The following GRID2 variants were observed in gnomAD, a reference collection of about 807,000 sequenced individuals.
GRID2 encodes the protein glutamate receptor ionotropic, delta-2.
In GRID2, 33 loss-of-function variants were observed where a neutral mutation model predicts 114.8. The ratio of observed to expected loss-of-function variants is 0.29; its 90% CI spans 0.22 to 0.38. The LOEUF (loss-of-function observed/expected upper bound fraction) is 0.38, where lower values mean the gene tolerates loss of function less well. Among genes scored for constraint, GRID2 ranks in the 10% least tolerant of loss-of-function variants. The pLI, the probability that GRID2 is intolerant of heterozygous loss-of-function variation, is 1.00. For synonymous variants in GRID2, 505 were observed against 449.9 expected, an observed-to-expected ratio of 1.12 and a Z score of -1.55; for missense variants, 1,184 against 1,257.7, an observed-to-expected ratio of 0.94 and a Z score of 0.89.
Position 93,540,337 on chromosome 4 carries a change from T to C in GRID2, c.2193+24926T>C, listed in dbSNP as rs375113995. Among the ~76,000 whole-genome samples, 175 of 152,232 alleles carry C rather than the reference T, an allele frequency of 1.1e-3. 1 individual carries two copies. Among genetic ancestry groups the C allele is most frequent in the African/African-American group, 3.9e-3 (163 of 41,572 alleles). On this transcript the variant is annotated intron_variant, in intron 13 of 15. Coordinates refer to ENST00000282020, the MANE Select transcript of GRID2 (RefSeq NM_001510.4). ...ATTTTCTTCTCCATGCATCGTCTGT[T>C]GCTTTCAAGTTGCTTTTTCTTTTCT... is the stretch of plus-strand genomic sequence containing the variant.
intron 2 of GRID2, among the ~76,000 whole-genome samples, chr4:92,653,126 T>C (rs1220796324): frequency 2.0e-5 from 3 of 150,102 alleles, no homozygotes; most frequent in Non-Finnish European, 4.4e-5. Context: ...GCCTCTCAAG[T>C]AGCTGGGATT....
At chr4:92,623,599 G>T (rs1730379945) in intron 2 of GRID2, among the ~76,000 whole-genome samples, 1 of 151,706 alleles carries the variant, frequency 6.6e-6, no homozygotes, top group South Asian at 2.1e-4. Flanking sequence ...AGACAGTAGT[G>T]GCATGTGTTC....
At chr4:93,586,170 T>A (rs1336226866) in intron 13 of GRID2, among the ~76,000 whole-genome samples, 1 of 152,088 alleles carries the variant, frequency 6.6e-6, no homozygotes, top group African/African-American at 2.4e-5. Context: ...ACTAATCATA[T>A]CATCCTTTGC....
rs554709051 is a variant in GRID2 at position 92,408,629 on chromosome 4, A to T, written c.88+103885A>T. On this transcript the variant is annotated intron_variant, in intron 1 of 15. Transcript: ENST00000282020. Reference sequence around the variant, plus strand: ...CCATAAGCATGGAATATTTATTATTATTTTTTTTTGTCCCTGATTTCTTTC... The same window carrying T: ...CCATAAGCATGGAATATTTATTATTTTTTTTTTTTGTCCCTGATTTCTTTC... 6.3e-3 allele frequency among the ~76,000 whole-genome samples: 925 copies of T among 147,698 alleles called. 8 individuals are homozygous for T. Among genetic ancestry groups the T allele is most frequent in the African/African-American group, 0.021 (848 of 40,270 alleles).
chr4:92,923,951 T>C (rs573706890), intron 2 of GRID2, among the ~76,000 whole-genome samples: 40 of 152,256 alleles, frequency 2.6e-4, no homozygotes, highest in South Asian at 1.2e-3. Flanking sequence ...CATGCACACG[T>C]ATGTTTATTG....
chr4:93,047,840 C>A (rs1231116122), intron 2 of GRID2, among the ~76,000 whole-genome samples: 1 of 151,352 alleles, frequency 6.6e-6, no homozygotes, highest in Non-Finnish European at 1.5e-5. Flanking sequence ...ACTCTAATTT[C>A]TCCCCTAGGT....
chr4:93,652,936 G>A (rs1451405451), intron 14 of GRID2, among the ~76,000 whole-genome samples: 2 of 152,108 alleles, frequency 1.3e-5, no homozygotes, highest in Non-Finnish European at 2.9e-5. Flanking sequence ...GCTTCATTGA[G>A]AAGGGCCTGA....
At chr4:92,527,358 T>G (rs1725093574) in intron 1 of GRID2, among the ~76,000 whole-genome samples, 5 of 152,162 alleles carry the variant, frequency 3.3e-5, no homozygotes, top group Admixed American at 3.3e-4. Flanking sequence ...GCTACTACTT[T>G]ATACATATCT....
chr4:92,343,207 G>A (rs1449046780), intron 1 of GRID2, among the ~76,000 whole-genome samples: 4 of 149,912 alleles, frequency 2.7e-5, no homozygotes, highest in Admixed American at 2.0e-4. Flanking sequence ...TTCTCTGTGT[G>A]TTTTTTTGCA....
intron 1 of GRID2, among the ~76,000 whole-genome samples, chr4:92,371,448 C>T (rs1388901425): frequency 6.6e-6 from 1 of 152,082 alleles, no homozygotes; most frequent in East Asian, 1.9e-4. Context: ...GCTCATTCAC[C>T]ATTCTGAAAA....
At chr4:92,920,546 T>C (rs373876265) in intron 2 of GRID2, among the ~76,000 whole-genome samples, 1 of 152,148 alleles carries the variant, frequency 6.6e-6, no homozygotes, top group Non-Finnish European at 1.5e-5. Context: ...AGGCCTGGTG[T>C]TGACAAAATC....
At chr4:92,329,459 T>C (rs181353473) in intron 1 of GRID2, among the ~76,000 whole-genome samples, 2 of 152,092 alleles carry the variant, frequency 1.3e-5, no homozygotes, top group Admixed American at 1.3e-4. Context: ...AATACTCATT[T>C]ACTTAGTGTC....
intron 2 of GRID2, among the ~76,000 whole-genome samples, chr4:92,709,590 AT>A (rs1427906155): frequency 0.12 from 12,056 of 98,434 alleles, 630 homozygotes; most frequent in African/African-American, 0.22. Context: ...AAAAAAAAAA[AT>A]ATATATATAT....
chr4:92,725,030 G>A (rs1158106940), intron 2 of GRID2, among the ~76,000 whole-genome samples: 1 of 152,094 alleles, frequency 6.6e-6, no homozygotes, highest in Non-Finnish European at 1.5e-5. Flanking sequence ...GCTGGGCGCG[G>A]TGGTTCATGT....
intron 2 of GRID2, among the ~76,000 whole-genome samples, chr4:92,871,329 T>A (rs992693467): frequency 6.6e-6 from 1 of 152,144 alleles, no homozygotes; most frequent in African/African-American, 2.4e-5. Context: ...TTTCTGTTAA[T>A]GTAACAAGTT....
At chr4:92,726,121 T>G (rs1421658320) in intron 2 of GRID2, among the ~76,000 whole-genome samples, 1 of 152,170 alleles carries the variant, frequency 6.6e-6, no homozygotes, top group Non-Finnish European at 1.5e-5. Context: ...ACTTCCATTT[T>G]GCCTGTTTAC....
At chr4:92,925,479 T>A (rs193041062) in intron 2 of GRID2, among the ~76,000 whole-genome samples, 2 of 151,970 alleles carry the variant, frequency 1.3e-5, no homozygotes, top group Non-Finnish European at 2.9e-5. Flanking sequence ...TTAAGAAGAG[T>A]ATATTTCCTT....
At chr4:93,535,485 A>G (rs553009093) in intron 13 of GRID2, among the ~76,000 whole-genome samples, 8 of 152,110 alleles carry the variant, frequency 5.3e-5, no homozygotes, top group Admixed American at 4.6e-4. Context: ...TTTTTCCCAT[A>G]ATGGCTGTAA....
At chr4:93,344,183 A>T (rs548986511) in intron 8 of GRID2, among the ~76,000 whole-genome samples, 1 of 152,202 alleles carries the variant, frequency 6.6e-6, no homozygotes, top group African/African-American at 2.4e-5. Context: ...AGCCCTTACA[A>T]GACTGGTCAT....
Sources: gnomAD v4.1 joint callset for allele counts (sites outside exome capture counted in the v4.1 genomes callset) on GRCh38, gnomAD v4.1.1 for gene constraint, MANE v1.5 for transcripts, NCBI Gene and HGNC (gene_info 2026-07-23, HGNC 2026-07-21) for gene names.